SH3BP4: variants seen among roughly 807,000 people sequenced by gnomAD.
The protein encoded by SH3BP4 is SH3 domain binding protein 4.
In SH3BP4, 33 loss-of-function variants were observed where a neutral mutation model predicts 65.5. The observed-to-expected ratio is 0.50, with a 90% CI of 0.38 to 0.67. The LOEUF (loss-of-function observed/expected upper bound fraction) is 0.67, where lower values mean the gene tolerates loss of function less well. Ranked by LOEUF, SH3BP4 falls within the 30% of genes least tolerant of loss-of-function variation. The pLI is 0.00. For missense variants in SH3BP4, 1,134 were observed against 1,261.4 expected, an observed-to-expected ratio of 0.90 and a Z score of 1.53; for synonymous variants, 552 against 545.5, an observed-to-expected ratio of 1.01 and a Z score of -0.17.
chr2:235,003,275 C>G (rs1295729732), intron 2 of SH3BP4, among the ~76,000 whole-genome samples: 1 of 152,238 alleles, frequency 6.6e-6, no homozygotes, highest in Non-Finnish European at 1.5e-5. Context: ...CCGAGGAGAA[C>G]TCTCCCCTGG....
intron 3 of SH3BP4, among the ~76,000 whole-genome samples, chr2:235,040,467 G>A (rs1302264864): frequency 4.0e-5 from 6 of 151,492 alleles, no homozygotes; most frequent in African/African-American, 1.5e-4. Context: ...ATCACATGCA[G>A]TGGTCACCTA....
intron 1 of SH3BP4, chr2:234,994,498 G>A (rs1693850901): frequency 6.6e-6 from 1 of 152,156 alleles, no homozygotes; most frequent in South Asian, 2.1e-4. Flanking sequence ...GTCAGCCTGA[G>A]GGGGAGGGCG....
chr2:234,986,896 C>A (rs941647598), intron 1 of SH3BP4, among the ~76,000 whole-genome samples: 19 of 151,996 alleles, frequency 1.3e-4, no homozygotes, highest in Admixed American at 1.0e-3. Flanking sequence ...CCTCAGCCCC[C>A]CAAGTAGCTG....
At chr2:235,043,412 G>A (rs1267312567) in intron 4 of SH3BP4, among the ~76,000 whole-genome samples, 165 bp downstream of exon 4, 24 of 128,174 alleles carry the variant, frequency 1.9e-4, no homozygotes, top group African/African-American at 5.6e-4. Context: ...ACAGCCTTTC[G>A]CCTTCCCAAT....
In SH3BP4 at chr2:235,041,410, G is replaced by T. The variant is rs745789835; in HGVS notation, c.641G>T (p.Gly214Val). 1 of 1,614,160 alleles carries T rather than the reference G, an allele frequency of 6.2e-7. No homozygotes were observed. The highest frequency in any genetic ancestry group is 8.5e-7 in the Non-Finnish European group (1 of 1,180,028). ...ESSSATTNST[G>V]NIFDELPVTN... ...AGCTCAGCCACCACGAATAGCACTG[G>T]CAACATCTTCGATGAGCTTCCAGTC... is the stretch of plus-strand genomic sequence containing the variant. The change falls in exon 4 of 6, where the codon GGC (glycine) becomes GTC (valine). Residue 214 changes from glycine to valine, a missense_variant. Transcript: ENST00000392011. This position sits in a 1 kb window ranked among gnomAD's most constrained non-coding sequence, Gnocchi z 6.0.
intron 1 of SH3BP4, among the ~76,000 whole-genome samples, chr2:234,985,175 G>A (rs1006540518): frequency 2.6e-5 from 4 of 152,182 alleles, no homozygotes; most frequent in African/African-American, 4.8e-5. Context: ...CAGCAACAGA[G>A]TAGTGAGTGT....
Position 234,986,987 on chromosome 2 carries a change from G to A in SH3BP4, c.-206-8316G>A, listed in dbSNP as rs147969483. 2.2e-3 allele frequency among the ~76,000 whole-genome samples: 329 copies of A among 152,056 alleles called. No homozygotes were observed. The Middle Eastern group carries it at 0.024, about 11-fold the overall frequency. On this transcript the variant is annotated intron_variant, in intron 1 of 5. Transcript: ENST00000392011. ...AGGTTTCACCATGTTGGTCAGGCTGGTCTCTAACTCCTGACCTCAAGGGAT... is the reference window on the plus strand; with the variant it reads ...AGGTTTCACCATGTTGGTCAGGCTGATCTCTAACTCCTGACCTCAAGGGAT...
At chr2:234,963,876 G>T in intron 1 of SH3BP4, among the ~76,000 whole-genome samples, 1 of 152,210 alleles carries the variant, frequency 6.6e-6, no homozygotes, top group Admixed American at 6.5e-5. Context: ...CACAGACTTG[G>T]TTTTCAGGAC....
At chr2:234,996,954 C>T (rs554204247) in intron 2 of SH3BP4, among the ~76,000 whole-genome samples, 114 of 148,690 alleles carry the variant, frequency 7.7e-4, no homozygotes, top group African/African-American at 2.7e-3. Flanking sequence ...GACCCTGTGC[C>T]AGAGTTACTG....
intron 1 of SH3BP4, among the ~76,000 whole-genome samples, chr2:234,968,135 T>A (rs1692886425): frequency 6.6e-6 from 1 of 152,116 alleles, no homozygotes; most frequent in South Asian, 2.1e-4. Context: ...GTCAGCTCGG[T>A]GGTAGCAATG....
Position 235,041,856 on chromosome 2 carries a change from C to T in SH3BP4, c.1087C>T (p.Pro363Ser). 1.2e-6 allele frequency: 2 copies of T among 1,608,754 alleles called. No homozygotes were observed. Among genetic ancestry groups the T allele is most frequent in the Non-Finnish European group, 1.7e-6 (2 of 1,176,666 alleles). Residue 363 changes from proline to serine, a missense_variant, in exon 4 of 6, where the codon CCG becomes TCG. Coordinates refer to ENST00000392011, the MANE Select transcript of SH3BP4 (RefSeq NM_014521.3). The surrounding 1 kb of genome is among the most constrained non-coding windows in gnomAD (Gnocchi z 6.0). ...CTCCATGAAAGCCCTGCTGGACCCC[C>T]CGCTGGAGCTCAACAGTGACAGGTC... ...QISMKALLDP[P>S]LELNSDRSCS...
chr2:235,017,445 CAAAAAAAAAA>C (rs556712981), intron 2 of SH3BP4, among the ~76,000 whole-genome samples: 5 of 74,988 alleles, frequency 6.7e-5, no homozygotes, highest in Non-Finnish European at 1.0e-4. Context: ...GACTCAGTCT[CAAAAAAAAAA>C]AAAAAAAAGA....
rs1273038964 is a variant in SH3BP4, at chr2:235,026,077, G to A, written c.-132-8794G>A. 1.3e-5 allele frequency among the ~76,000 whole-genome samples: 2 copies of A among 152,158 alleles called. No homozygotes were observed. The highest frequency in any genetic ancestry group is 1.9e-4 in the East Asian group (1 of 5,192). ...GCAAGGAGATTCTGGGATCTGTGCA[G>A]TGTGCTGAGAACAACCCTACAGAGG... On this transcript the variant is annotated intron_variant, in intron 2 of 5. Transcript: ENST00000392011. The surrounding 1 kb of genome is among the most constrained non-coding windows in gnomAD (Gnocchi z 4.6).
At chr2:234,953,162 G>A (rs928186295) in intron 1 of SH3BP4, 1 of 152,244 alleles carries the variant, frequency 6.6e-6, no homozygotes, top group African/African-American at 2.4e-5. Flanking sequence ...GAATTTATCC[G>A]TGATAATAAT....
At chr2:234,960,355 G>GT (rs1692678503) in intron 1 of SH3BP4, among the ~76,000 whole-genome samples, 1 of 152,184 alleles carries the variant, frequency 6.6e-6, no homozygotes, top group Non-Finnish European at 1.5e-5. Context: ...TCAAATGTTT[G>GT]TAAGAGGAAT....
chr2:235,010,243 C>T (rs915846011), intron 2 of SH3BP4, among the ~76,000 whole-genome samples: 1 of 152,110 alleles, frequency 6.6e-6, no homozygotes, highest in Non-Finnish European at 1.5e-5. Flanking sequence ...TTCTGTGAGC[C>T]CCCTTTGCTC....
chr2:235,009,511 G>A (rs1366732835), intron 2 of SH3BP4, among the ~76,000 whole-genome samples: 4 of 152,106 alleles, frequency 2.6e-5, no homozygotes, highest in African/African-American at 4.8e-5. Flanking sequence ...AGCTCCTTCC[G>A]TTGGCCTCCA....
chr2:234,966,922 C>T (rs572014024), intron 1 of SH3BP4, among the ~76,000 whole-genome samples: 26 of 152,320 alleles, frequency 1.7e-4, no homozygotes, highest in East Asian at 9.6e-4. Context: ...AATCCTACTT[C>T]GCTAACTAAT....
chr2:235,007,997 C>T (rs928708903), intron 2 of SH3BP4, among the ~76,000 whole-genome samples: 5 of 152,148 alleles, frequency 3.3e-5, no homozygotes, highest in African/African-American at 7.2e-5. Flanking sequence ...TGGAGGATGC[C>T]GCGTGAGCTG....
Sources: allele counts gnomAD v4.1 joint callset (sites outside exome capture counted in the v4.1 genomes callset), GRCh38; gene constraint gnomAD v4.1.1; non-coding constraint Gnocchi (gnomAD v3.1); transcripts MANE v1.5; gene names NCBI Gene and HGNC (gene_info 2026-07-23, HGNC 2026-07-21).